VAV2: variants seen among roughly 807,000 people sequenced by gnomAD.
The protein encoded by VAV2 is guanine nucleotide exchange factor VAV2.
Under a neutral mutation model 132.5 loss-of-function variants are expected in VAV2, and 67 were observed. That is an observed-to-expected ratio of 0.51 (90% CI 0.42 to 0.62). The LOEUF is 0.62. Among genes scored for constraint, VAV2 ranks in the 20% least tolerant of loss-of-function variants. The pLI is 0.00. For synonymous variants in VAV2, 492 were observed against 443.5 expected, an observed-to-expected ratio of 1.11 and a Z score of -1.37; for missense variants, 938 against 1,153.6, an observed-to-expected ratio of 0.81 and a Z score of 2.71.
At chr9:133,801,685 T>C (rs1329428686) in intron 9 of VAV2, among the ~76,000 whole-genome samples, 1 of 152,072 alleles carries the variant, frequency 6.6e-6, no homozygotes, top group East Asian at 1.9e-4. Flanking sequence ...ATGATGCAGA[T>C]GTAATGAAGG....
chr9:133,976,379 T>TC (rs1199837981), intron 1 of VAV2, among the ~76,000 whole-genome samples: 1 of 151,750 alleles, frequency 6.6e-6, no homozygotes, highest in Non-Finnish European at 1.5e-5. Context: ...AGGGGGGCAG[T>TC]CCCCCCAGCC....
rs376311929 is a variant in VAV2 at position 133,969,695 on chromosome 9, C to T, written c.204+22380G>A. On this transcript the variant is annotated intron_variant, in intron 1 of 29. Coordinates refer to ENST00000371850, the MANE Select transcript of VAV2 (RefSeq NM_001134398.2). The surrounding 1 kb of genome is among the most constrained non-coding windows in gnomAD (Gnocchi z 5.1). ...TGACCCCAGAGCACCCTCTTCATCA[C>T]CCAAGTCCAATCCACCCCAAGCCCA... Among the ~76,000 whole-genome samples the T allele has an allele frequency of 6.6e-6, 1 of 152,156 alleles. No homozygotes were observed. Among genetic ancestry groups the T allele is most frequent in the East Asian group, 1.9e-4 (1 of 5,192 alleles).
chr9:133,786,043 C>T (rs1834207359), intron 16 of VAV2, 158 bp from the exon 17 acceptor site: 2 of 716,404 alleles, frequency 2.8e-6, no homozygotes, highest in East Asian at 2.8e-5. Context: ...CACGTGTGTA[C>T]CTGCTCTCTT....
rs117615679 is a variant in VAV2 at position 133,864,925 on chromosome 9, C to T, written c.322-3493G>A. On this transcript the variant is annotated intron_variant, in intron 2 of 29. Transcript: ENST00000371850. ...CGGGGTAGGAACAAAGTTGGCTTTG[C>T]TGAATGATTTATCTCCAATGTCTTC... Among the ~76,000 whole-genome samples, 1,373 of 152,336 alleles carry T rather than the reference C, an allele frequency of 9.0e-3. 8 individuals carry two copies. Among genetic ancestry groups the T allele is most frequent in the Non-Finnish European group, 0.014 (983 of 68,028 alleles).
At chr9:133,797,949 C>T in intron 9 of VAV2, 140 bp from the exon 10 acceptor site, 1 of 687,740 alleles carries the variant, frequency 1.5e-6, no homozygotes, top group South Asian at 2.0e-5. Flanking sequence ...TGCACGTGGA[C>T]ACATTCAACG....
chr9:133,883,138 G>T lies in VAV2; in HGVS notation c.322-21706C>A, dbSNP rs1470121775. On this transcript the variant is annotated intron_variant, in intron 2 of 29. Coordinates refer to ENST00000371850, the MANE Select transcript of VAV2 (RefSeq NM_001134398.2). This position sits in a 1 kb window ranked among gnomAD's most constrained non-coding sequence, Gnocchi z 4.2. ...TCTCTGGATCCTTCCCTCCTAATTG[G>T]CATGGAAAGTCAAGTCCCTGAGCCT... Among the ~76,000 whole-genome samples, 1 of 152,138 alleles carries T rather than the reference G, an allele frequency of 6.6e-6. No individual in the cohort carries two copies. Among genetic ancestry groups the T allele is most frequent in the African/African-American group, 2.4e-5 (1 of 41,414 alleles).
rs987389923 is a variant in VAV2, at chr9:133,824,794, A to C, written c.449+9478T>G. 2.6e-5 allele frequency among the ~76,000 whole-genome samples: 4 copies of C among 152,142 alleles called. No homozygotes were observed. The highest frequency in any genetic ancestry group is 2.6e-4 in the Admixed American group (4 of 15,282). Reference sequence around the variant, plus strand: ...AGAGACAGAGCTGGGCTCAAATTGCAGCTCTGCCCCCTAGTTCTGTACGAC... The same window carrying C: ...AGAGACAGAGCTGGGCTCAAATTGCCGCTCTGCCCCCTAGTTCTGTACGAC... On this transcript the variant is annotated intron_variant, in intron 4 of 29. Transcript: ENST00000371850. The surrounding 1 kb of genome is among the most constrained non-coding windows in gnomAD (Gnocchi z 5.2).
chr9:133,940,665 CCACG>C (rs1841105578), intron 1 of VAV2, among the ~76,000 whole-genome samples: 2 of 85,986 alleles, frequency 2.3e-5, no homozygotes, highest in Non-Finnish European at 4.7e-5. Context: ...CCCTCTCTGT[CCACG>C]TGCGTGTGTG....
chr9:133,778,672 G>A (rs565235288), intron 22 of VAV2, 90 bp downstream of exon 22: 3 of 1,529,494 alleles, frequency 2.0e-6, no homozygotes, highest in African/African-American at 2.7e-5. Flanking sequence ...GCCTCTGCCT[G>A]GGGATGTGCA....
intron 26 of VAV2, among the ~76,000 whole-genome samples, chr9:133,771,355 C>T (rs1195637873): frequency 4.6e-5 from 7 of 152,154 alleles, no homozygotes; most frequent in South Asian, 2.1e-4. Flanking sequence ...TGAGCCACTA[C>T]GCTCAGCCCG....
intron 9 of VAV2, among the ~76,000 whole-genome samples, chr9:133,803,493 CTT>C (rs1195993791): frequency 6.6e-6 from 1 of 152,166 alleles, no homozygotes; most frequent in Non-Finnish European, 1.5e-5. Flanking sequence ...AACCACACGG[CTT>C]TGTCTTATGT....
At chr9:133,958,317 G>C (rs1278803827) in intron 1 of VAV2, among the ~76,000 whole-genome samples, 1 of 145,018 alleles carries the variant, frequency 6.9e-6, no homozygotes, top group East Asian at 2.0e-4. Flanking sequence ...AAACCGGATT[G>C]TACGTTCCAT....
rs146348137 is a variant in VAV2, at chr9:133,992,084, C to T, written c.195G>A (p.Gln65=). 1 of 1,576,570 alleles carries T rather than the reference C, an allele frequency of 6.3e-7. No individual in the cohort carries two copies. The highest frequency in any genetic ancestry group is 1.1e-5 in the South Asian group (1 of 87,490). ...CCCGCCGGGCGCTCACCTGGGACATCTGCGGCCGGAAGTTGATGTCCTTGA... is the reference window on the plus strand; with the variant it reads ...CCCGCCGGGCGCTCACCTGGGACATTTGCGGCCGGAAGTTGATGTCCTTGA... ...IDLKDINFRP[Q]MSQFLCLKNI... The change falls in exon 1 of 30, where the codon CAG becomes CAA. Residue 65 remains glutamine, a synonymous_variant. Transcript: ENST00000371850. This position sits in a 1 kb window ranked among gnomAD's most constrained non-coding sequence, Gnocchi z 5.5.
intron 4 of VAV2, among the ~76,000 whole-genome samples, chr9:133,818,424 G>A (rs562416709): frequency 1.3e-3 from 192 of 150,452 alleles, no homozygotes; most frequent in African/African-American, 1.8e-3. Flanking sequence ...GACATCCACC[G>A]TCTCCTGCCC....
intron 2 of VAV2, among the ~76,000 whole-genome samples, chr9:133,920,060 C>T (rs546640050): frequency 8.5e-5 from 13 of 152,298 alleles, no homozygotes; most frequent in African/African-American, 2.6e-4. Context: ...TCCAGCTGCA[C>T]GGGGAACTGA....
At chr9:133,784,514 G>A (rs1834141950) in intron 17 of VAV2, 96 bp from the exon 18 acceptor site, 2 of 1,363,898 alleles carry the variant, frequency 1.5e-6, no homozygotes, top group Non-Finnish European at 1.0e-6. Context: ...CCGGACCCAG[G>A]CTGTGCAGAA....
At chr9:133,773,836 C>T (rs1419334899) in intron 25 of VAV2, among the ~76,000 whole-genome samples, 1 of 152,174 alleles carries the variant, frequency 6.6e-6, no homozygotes, top group Non-Finnish European at 1.5e-5. Context: ...TTACGATGAT[C>T]ACATACTATG....
At chr9:133,841,338 T>C (rs1836714626) in intron 3 of VAV2, among the ~76,000 whole-genome samples, 1 of 151,924 alleles carries the variant, frequency 6.6e-6, no homozygotes, top group African/African-American at 2.4e-5. Context: ...GATGCAGCAC[T>C]GGGCCTGGTG....
chr9:133,883,811 G>A lies in VAV2; in HGVS notation c.322-22379C>T, dbSNP rs1374709332. Reference sequence around the variant, plus strand: ...AGTACACCCCAAAACTCACACTTGAGGTCCACAGGTGACTAGCAACTTTGC... The same window carrying A: ...AGTACACCCCAAAACTCACACTTGAAGTCCACAGGTGACTAGCAACTTTGC... On this transcript the variant is annotated intron_variant, in intron 2 of 29. Transcript: ENST00000371850. The surrounding 1 kb of genome is among the most constrained non-coding windows in gnomAD (Gnocchi z 4.2). Among the ~76,000 whole-genome samples the A allele has an allele frequency of 6.6e-6, 1 of 152,192 alleles. No homozygotes were observed. Among genetic ancestry groups the A allele is most frequent in the Non-Finnish European group, 1.5e-5 (1 of 68,038 alleles).
Sources: allele counts gnomAD v4.1 joint callset (sites outside exome capture counted in the v4.1 genomes callset), GRCh38; gene constraint gnomAD v4.1.1; non-coding constraint Gnocchi (gnomAD v3.1); transcripts MANE v1.5; gene names NCBI Gene and HGNC (gene_info 2026-07-23, HGNC 2026-07-21).